The following EFCAB10 variants were observed in gnomAD, a reference collection of about 807,000 sequenced individuals.
EFCAB10 encodes the protein EF-hand calcium binding domain 10.
In EFCAB10, 7 loss-of-function variants were observed where a neutral mutation model predicts 7.7. That is an observed-to-expected ratio of 0.91 (90% CI 0.52 to 1.72). EFCAB10 has a LOEUF of 1.72. Ranked by LOEUF, EFCAB10 falls within the 40% of genes most tolerant of loss-of-function variation. The pLI, the probability that EFCAB10 is intolerant of heterozygous loss-of-function variation, is 0.00. For synonymous variants in EFCAB10, 52 were observed against 21.0 expected, an observed-to-expected ratio of 2.47 and a Z score of -4.03; for missense variants, 112 against 61.5, an observed-to-expected ratio of 1.82 and a Z score of -2.74.
At chr7:105,572,149 C>A (rs1174564209) in intron 1 of EFCAB10, 1 of 152,096 alleles carries the variant, frequency 6.6e-6, no homozygotes, top group African/African-American at 2.4e-5. Context: ...TACAGTAGAT[C>A]TCTTGAACTT....
At chr7:105,571,288 G>T (rs1001542854) in intron 1 of EFCAB10, 1 of 152,158 alleles carries the variant, frequency 6.6e-6, no homozygotes, top group African/African-American at 2.4e-5. Context: ...GACTGAAAAG[G>T]TTAAGCAAAC....
intron 1 of EFCAB10, among the ~76,000 whole-genome samples, chr7:105,575,951 C>G (rs1464088966): frequency 2.0e-5 from 3 of 152,038 alleles, no homozygotes; most frequent in Non-Finnish European, 4.4e-5. Flanking sequence ...GCAGGAGAAT[C>G]ACTTGAACCT....
intron 1 of EFCAB10, among the ~76,000 whole-genome samples, chr7:105,580,581 A>C (rs1375918528): frequency 6.6e-6 from 1 of 150,428 alleles, no homozygotes; most frequent in Non-Finnish European, 1.5e-5. Flanking sequence ...TATTTGTTTT[A>C]ATACTTTAAA....
At chr7:105,570,246 TATATATATA>T (rs1791910347) in intron 1 of EFCAB10, among the ~76,000 whole-genome samples, 1 of 41,258 alleles carries the variant, frequency 2.4e-5, no homozygotes, top group Non-Finnish European at 4.6e-5. Context: ...AAAAAATATA[TATATATATA>T]TATATATATA....
At chr7:105,567,018 G>A (rs1238059454) in intron 4 of EFCAB10, 2 of 597,808 alleles carry the variant, frequency 3.3e-6, no homozygotes, top group East Asian at 5.9e-5. Flanking sequence ...GAGAACATGT[G>A]GACCAGCAGT....
At chr7:105,572,717 T>C (rs1791981086) in intron 1 of EFCAB10, 1 of 152,280 alleles carries the variant, frequency 6.6e-6, no homozygotes, top group South Asian at 2.1e-4. Context: ...GTTTTAGAGA[T>C]GGGGTCTCAT....
intron 1 of EFCAB10, among the ~76,000 whole-genome samples, chr7:105,578,046 G>A (rs1025832689): frequency 6.6e-6 from 1 of 152,154 alleles, no homozygotes; most frequent in African/African-American, 2.4e-5. Context: ...TTATAGGCGT[G>A]AGCCACCATC....
intron 1 of EFCAB10, among the ~76,000 whole-genome samples, chr7:105,574,992 G>A (rs1792040269): frequency 6.7e-6 from 1 of 149,886 alleles, no homozygotes; most frequent in South Asian, 2.1e-4. Context: ...GTGCGTGCCT[G>A]TAATCCCAGC....
At chr7:105,576,114 C>T (rs1285766047) in intron 1 of EFCAB10, among the ~76,000 whole-genome samples, 1 of 152,144 alleles carries the variant, frequency 6.6e-6, no homozygotes, top group Non-Finnish European at 1.5e-5. Context: ...TCAATCATAC[C>T]TTGGTGAGTA....
intron 1 of EFCAB10, among the ~76,000 whole-genome samples, chr7:105,574,712 T>C (rs1459687803): frequency 6.6e-6 from 1 of 151,858 alleles, no homozygotes; most frequent in Admixed American, 6.6e-5. Context: ...CTCGATCTCC[T>C]GACCTTGTGA....
intron 1 of EFCAB10, chr7:105,571,881 A>G (rs1390471252): frequency 6.6e-6 from 1 of 152,222 alleles, no homozygotes; most frequent in East Asian, 1.9e-4. Context: ...TATAAAAAAG[A>G]CTGCATTGAC....
At chr7:105,571,555 T>C (rs1791948966) in intron 1 of EFCAB10, 1 of 152,224 alleles carries the variant, frequency 6.6e-6, no homozygotes, top group Admixed American at 6.5e-5. Context: ...GCAACACTTT[T>C]TTGGGATGCT....
intron 1 of EFCAB10, among the ~76,000 whole-genome samples, chr7:105,580,982 C>T (rs1489543597): frequency 2.0e-5 from 3 of 152,150 alleles, no homozygotes; most frequent in Non-Finnish European, 2.9e-5. Context: ...CACTTTGAGG[C>T]GCCGAGGCGT....
chr7:105,570,195 CAG>C (rs1421116939), intron 1 of EFCAB10, among the ~76,000 whole-genome samples: 1 of 81,816 alleles, frequency 1.2e-5, no homozygotes, highest in Admixed American at 1.9e-4. Context: ...GCCTGGGCAA[CAG>C]AGCAAGACTC....
chr7:105,569,602 T>C (rs992961941), intron 1 of EFCAB10, 31 bp from the exon 2 acceptor site: 4 of 678,094 alleles, frequency 5.9e-6, no homozygotes, highest in Non-Finnish European at 8.0e-6. Context: ...CTCTTTCTGA[T>C]ACGAAATTAA....
chr7:105,568,794 CA>C (rs1374966532), intron 3 of EFCAB10, among the ~76,000 whole-genome samples: 3 of 151,862 alleles, frequency 2.0e-5, no homozygotes, highest in Non-Finnish European at 2.9e-5. Flanking sequence ...ACTAAAAATA[CA>C]AAAAAATTAT....
intron 3 of EFCAB10, among the ~76,000 whole-genome samples, chr7:105,568,594 T>C (rs1266983412): frequency 6.6e-6 from 1 of 152,176 alleles, no homozygotes; most frequent in East Asian, 1.9e-4. Context: ...GTTTGTTAGT[T>C]GTCCTAGCAT....
intron 1 of EFCAB10, among the ~76,000 whole-genome samples, chr7:105,578,517 A>G (rs1792141679): frequency 6.6e-6 from 1 of 152,238 alleles, no homozygotes; most frequent in Non-Finnish European, 1.5e-5. Context: ...TAATAAGACC[A>G]TAAAGTACCT....
chr7:105,572,201 C>T (rs1791969578), intron 1 of EFCAB10: 1 of 152,200 alleles, frequency 6.6e-6, no homozygotes. Flanking sequence ...TGGCCAACAT[C>T]TCCCCAATCC....
Sources: allele counts gnomAD v4.1 joint callset (sites outside exome capture counted in the v4.1 genomes callset), GRCh38; gene constraint gnomAD v4.1.1; transcripts MANE v1.5; gene names NCBI Gene and HGNC (gene_info 2026-07-23, HGNC 2026-07-21).